SYCP1: variants seen among roughly 807,000 people sequenced by gnomAD.
SYCP1 encodes the protein synaptonemal complex protein 1, also known as cancer/testis antigen 8.
Under a neutral mutation model 153.1 loss-of-function variants are expected in SYCP1, and 64 were observed. That is an observed-to-expected ratio of 0.42 (90% confidence interval 0.34 to 0.51). The LOEUF is 0.51. SYCP1 is among the 20% of genes least tolerant of loss of function. The pLI, the probability that SYCP1 is intolerant of heterozygous loss-of-function variation, is 0.06. For missense variants in SYCP1, 997 were observed against 1,049.0 expected, an observed-to-expected ratio of 0.95 and a Z score of 0.68; for synonymous variants, 384 against 341.8, an observed-to-expected ratio of 1.12 and a Z score of -1.36.
At chr1:114,884,933 C>T (rs895984806) in intron 12 of SYCP1, among the ~76,000 whole-genome samples, 2 of 151,866 alleles carry the variant, frequency 1.3e-5, no homozygotes, top group Non-Finnish European at 2.9e-5. Flanking sequence ...AGACTAGTAC[C>T]TGAGACTTAG....
intron 30 of SYCP1, among the ~76,000 whole-genome samples, chr1:114,994,459 A>G (rs1164253865): frequency 2.6e-5 from 4 of 151,350 alleles, no homozygotes; most frequent in Non-Finnish European, 4.4e-5. Flanking sequence ...AGTTAATAGA[A>G]TAAAAATCTA....
intron 16 of SYCP1, among the ~76,000 whole-genome samples, chr1:114,904,306 T>G (rs928009941): frequency 6.6e-6 from 1 of 151,900 alleles, no homozygotes; most frequent in Non-Finnish European, 1.5e-5. Flanking sequence ...TTAGTAGAGA[T>G]GGGGTTTCAC....
In SYCP1 at chr1:114,856,636, A is replaced by G; in HGVS notation, c.172A>G (p.Asn58Asp). ...ATTTGCAAAGACTAATCTCTCCAAA[A>G]ATGGGGAAAACATTGATTCAGGTAG... The part of the protein sequence containing the change: ...FPFAKTNLSK[N>D]GENIDSDPAL... The change falls in exon 3 of 32, where the codon AAT becomes GAT. Residue 58 changes from asparagine to aspartate, a missense_variant. Coordinates refer to ENST00000369522, the MANE Select transcript of SYCP1 (RefSeq NM_003176.4). 6.2e-7 allele frequency: 1 copy of G among 1,612,256 alleles called. No homozygotes were observed. Among genetic ancestry groups the G allele is most frequent in the Non-Finnish European group, 8.5e-7 (1 of 1,179,226 alleles).
rs1570640825 is a variant in SYCP1, at chr1:114,857,555, T to G, written c.291+58T>G. On this transcript the variant is annotated intron_variant, in intron 5 of 31. Coordinates refer to ENST00000369522, the MANE Select transcript of SYCP1 (RefSeq NM_003176.4). ...TGTAATTGGAATATAACTTATTACC[T>G]ATATGTATATTTCTTTTGAAGCTTC... 5 of 1,201,192 alleles carry G rather than the reference T, an allele frequency of 4.2e-6. No homozygotes were observed. In the Middle Eastern group the frequency reaches 6.1e-4, roughly 147 times the overall value. The allele number at this position is 1,201,192 out of a possible 1,614,324, so 74.4% of individuals were successfully genotyped here.
At chr1:114,859,903 A>G (rs748795517) in intron 7 of SYCP1, 93 bp downstream of exon 7, 32 of 402,680 alleles carry the variant, frequency 7.9e-5, no homozygotes, top group Admixed American at 7.7e-4. Flanking sequence ...AGCACTTTCT[A>G]TACGTTATAT....
intron 20 of SYCP1, among the ~76,000 whole-genome samples, chr1:114,917,868 A>G (rs1258650197): frequency 6.6e-6 from 1 of 151,794 alleles, no homozygotes; most frequent in Non-Finnish European, 1.5e-5. Context: ...TGAGCCCCTT[A>G]TATATTGTGT....
At chr1:114,972,350 T>C (rs1672547208) in intron 27 of SYCP1, among the ~76,000 whole-genome samples, 1 of 152,078 alleles carries the variant, frequency 6.6e-6, no homozygotes, top group Non-Finnish European at 1.5e-5. Flanking sequence ...ATTCTGTTTA[T>C]CTTTTCAAAA....
At chr1:114,886,815 T>C (rs1465506745) in intron 14 of SYCP1, among the ~76,000 whole-genome samples, 1 of 151,990 alleles carries the variant, frequency 6.6e-6, no homozygotes, top group African/African-American at 2.4e-5. Context: ...AATAAATGGT[T>C]TCACAAATGT....
rs778942147 is a variant in SYCP1 at position 114,895,492 on chromosome 1, G to A, written c.1303G>A (p.Glu435Lys). The A allele has an allele frequency of 1.3e-6, 2 of 1,517,442 alleles. No individual in the cohort carries two copies. Among genetic ancestry groups the A allele is most frequent in the Non-Finnish European group, 1.8e-6 (2 of 1,115,426 alleles). 94.0% of individuals were successfully genotyped at this position (1,517,442 alleles called of 1,614,324 possible). ...LTNNKEVELE[E>K]LKKVLGEKET... is the part of the protein sequence containing the mutation. ...AAATAACAAAGAAGTAGAACTTGAA[G>A]AATTGAAAAAAGTCTTGGTAAGTAT... is the stretch of plus-strand genomic sequence containing the variant. The change falls in exon 16 of 32, where the codon GAA becomes AAA. Residue 435 changes from glutamate (E) to lysine (K), a missense_variant. Physicochemically the swap from Glu to Lys is moderately conservative, Grantham distance 56. Coordinates refer to ENST00000369522, the MANE Select transcript of SYCP1 (RefSeq NM_003176.4).
chr1:114,920,202 C>T (rs1668776064), intron 20 of SYCP1, among the ~76,000 whole-genome samples: 2 of 151,930 alleles, frequency 1.3e-5, no homozygotes, highest in Admixed American at 6.6e-5. Flanking sequence ...TGTTTCAAGA[C>T]ATTTTTCAGT....
At chr1:114,881,260 T>G (rs1314813925) in intron 12 of SYCP1, among the ~76,000 whole-genome samples, 1 of 152,214 alleles carries the variant, frequency 6.6e-6, no homozygotes, top group Non-Finnish European at 1.5e-5. Context: ...TTCAATTTCT[T>G]TGCTCTTTTT....
intron 27 of SYCP1, among the ~76,000 whole-genome samples, chr1:114,954,558 T>TATTC (rs1671315219): frequency 6.7e-6 from 1 of 150,126 alleles, no homozygotes; most frequent in African/African-American, 2.4e-5. Flanking sequence ...TTTATTTATT[T>TATTC]ATTTATTTAT....
At chr1:114,992,379 GT>G (rs1277342202) in intron 30 of SYCP1, among the ~76,000 whole-genome samples, 1 of 151,716 alleles carries the variant, frequency 6.6e-6, no homozygotes, top group African/African-American at 2.4e-5. Context: ...AGGACTCACA[GT>G]TCCTAACTTT....
At position 114,994,703 on chromosome 1, in the gene SYCP1, G is replaced by C; in HGVS notation, c.2709G>C (p.Met903Ile). Residue 903 changes from methionine (M) to isoleucine (I), a missense_variant, in exon 31 of 32, where the codon ATG becomes ATC. This residue lies in a region of SYCP1 where 712 missense variants were observed against 682.9 expected (regional missense o/e 1.04). Coordinates refer to ENST00000369522, the MANE Select transcript of SYCP1 (RefSeq NM_003176.4). ...DSSETTDLLS[M>I]VSEEETLKTL... ...TTTTTTTATTTTTCTTCAAGAGCAT[G>C]GTTTCAGAAGAAGAGACATTGAAAA... 1 of 1,553,914 alleles carries C rather than the reference G, an allele frequency of 6.4e-7. No individual in the cohort carries two copies. The highest frequency in any genetic ancestry group is 1.3e-5 in the South Asian group (1 of 78,746).
chr1:114,898,485 T>C (rs550012567), intron 16 of SYCP1, among the ~76,000 whole-genome samples: 1 of 152,254 alleles, frequency 6.6e-6, no homozygotes, highest in Admixed American at 6.5e-5. Context: ...GATTTTTACA[T>C]TACCCATCCC....
In SYCP1 at chr1:114,944,976, A is replaced by G; in HGVS notation, c.2148A>G (p.Lys716=). The G allele has an allele frequency of 1.3e-6, 2 of 1,571,276 alleles. No individual in the cohort carries two copies. The highest frequency in any genetic ancestry group is 1.7e-6 in the Non-Finnish European group (2 of 1,164,270). ...KIAEMVALME[K]HKHQYDKIIE... ...CTGAAATGGTAGCACTTATGGAAAA[A>G]CATAAGGTAATTTTTTTCTTCTTAT... The change falls in exon 25 of 32, where the codon AAA becomes AAG. Residue 716 remains lysine, a synonymous_variant. Transcript: ENST00000369522.
chr1:114,933,445 G>A (rs549876337), intron 23 of SYCP1, among the ~76,000 whole-genome samples: 1 of 152,284 alleles, frequency 6.6e-6, no homozygotes, highest in Non-Finnish European at 1.5e-5. Flanking sequence ...AAGATGGGGA[G>A]AAACCAGAGC....
At chr1:114,858,785 T>G in intron 6 of SYCP1, 74 bp downstream of exon 6, 1 of 1,243,550 alleles carries the variant, frequency 8.0e-7, no homozygotes, top group East Asian at 2.3e-5. Flanking sequence ...AGAGTATTAG[T>G]TGGGATAAAT....
intron 27 of SYCP1, among the ~76,000 whole-genome samples, chr1:114,961,097 A>G (rs1476671364): frequency 1.3e-5 from 2 of 152,140 alleles, no homozygotes; most frequent in Admixed American, 6.5e-5. Flanking sequence ...GTATATTTCC[A>G]GGAATTTATC....
Sources: allele counts gnomAD v4.1 joint callset (sites outside exome capture counted in the v4.1 genomes callset), GRCh38; gene constraint gnomAD v4.1.1; regional missense constraint gnomAD v4.1.1; transcripts MANE v1.5; gene names NCBI Gene and HGNC (gene_info 2026-07-23, HGNC 2026-07-21).